TBL1XR1: variants seen among roughly 807,000 people sequenced by gnomAD.
TBL1XR1 encodes TBL1X/Y related 1.
TBL1XR1 carries 5 observed loss-of-function variants against 66.9 expected under a neutral mutation model. The observed-to-expected ratio is 0.07, with a 90% CI of 0.04 to 0.16. TBL1XR1 has a LOEUF of 0.16. TBL1XR1 is among the 10% of genes least tolerant of loss of function. The pLI, the probability that TBL1XR1 is intolerant of heterozygous loss-of-function variation, is 1.00. For missense variants in TBL1XR1, 238 were observed against 623.2 expected, an observed-to-expected ratio of 0.38 and a Z score of 6.58; for synonymous variants, 210 against 206.0, an observed-to-expected ratio of 1.02 and a Z score of -0.17.
chr3:177,156,591 A>C (rs996775224), intron 1 of TBL1XR1, among the ~76,000 whole-genome samples: 1 of 148,580 alleles, frequency 6.7e-6, no homozygotes, highest in East Asian at 1.9e-4. Context: ...ATATATATAT[A>C]AAATTCTGAC....
chr3:177,055,181 T>C (rs950203420), intron 3 of TBL1XR1, among the ~76,000 whole-genome samples: 1 of 152,112 alleles, frequency 6.6e-6, no homozygotes, highest in Non-Finnish European at 1.5e-5. Flanking sequence ...TTTTTAGTGT[T>C]TAGTAATGTC....
chr3:177,100,315 A>G (rs867927450), intron 1 of TBL1XR1, among the ~76,000 whole-genome samples: 21 of 152,376 alleles, frequency 1.4e-4, no homozygotes, highest in African/African-American at 4.1e-4. Flanking sequence ...ATTTTTGTTC[A>G]TAACATTCTA....
At position 177,158,574 on chromosome 3, in the gene TBL1XR1, T is replaced by TC. The variant is rs746828695; in HGVS notation, c.-122+38546dup. ...CTACAACTGACAGAAGAGCCATTCA[T>TC]CCCTATGGTATACTCCTAAATTTCA... On this transcript the variant is annotated intron_variant, in intron 1 of 15. Coordinates refer to ENST00000457928, the MANE Select transcript of TBL1XR1 (RefSeq NM_024665.7). 6.8e-4 allele frequency among the ~76,000 whole-genome samples: 104 copies of TC among 152,110 alleles called. 2 individuals carry two copies. The highest frequency in any genetic ancestry group is 2.0e-4 in the Admixed American group (3 of 15,248).
chr3:177,030,093 G>GGT (rs971838080), intron 14 of TBL1XR1, among the ~76,000 whole-genome samples: 11 of 150,942 alleles, frequency 7.3e-5, no homozygotes, highest in East Asian at 3.9e-4. Flanking sequence ...GCTATGCACA[G>GGT]GTGTGTGTGT....
At chr3:177,185,076 AT>A (rs549114520) in intron 1 of TBL1XR1, among the ~76,000 whole-genome samples, 22 of 151,516 alleles carry the variant, frequency 1.5e-4, no homozygotes, top group South Asian at 6.3e-4. Context: ...CGATTTTTCA[AT>A]TTTTTTTTCA....
chr3:177,197,642 G>A (rs1737058433), upstream of TBL1XR1, among the ~76,000 whole-genome samples: 1 of 138,532 alleles, frequency 7.2e-6, no homozygotes, highest in Non-Finnish European at 1.6e-5. Context: ...GAGCGGGCGG[G>A]CGGGCGCGCG....
intron 1 of TBL1XR1, among the ~76,000 whole-genome samples, chr3:177,149,305 G>A (rs760608457): frequency 2.0e-5 from 3 of 152,162 alleles, no homozygotes; most frequent in Non-Finnish European, 4.4e-5. Flanking sequence ...TTCAGGCAAT[G>A]TTCCCAGAAG....
At chr3:177,078,422 A>T (rs894953655) in intron 2 of TBL1XR1, among the ~76,000 whole-genome samples, 11 of 151,492 alleles carry the variant, frequency 7.3e-5, no homozygotes, top group African/African-American at 1.7e-4. Context: ...AAAAAAAAAA[A>T]ATTTTGGTTT....
chr3:177,108,515 G>A (rs1310186075), intron 1 of TBL1XR1, among the ~76,000 whole-genome samples: 1 of 152,112 alleles, frequency 6.6e-6, no homozygotes, highest in East Asian at 1.9e-4. Flanking sequence ...TAACAAGTAT[G>A]AACATAGTGT....
chr3:177,109,055 A>T (rs1472595071), intron 1 of TBL1XR1, among the ~76,000 whole-genome samples: 2 of 152,234 alleles, frequency 1.3e-5, no homozygotes, highest in Non-Finnish European at 2.9e-5. Context: ...ATTGTCAAAC[A>T]TGTTTTCTTT....
chr3:177,117,980 G>T (rs1726514515), intron 1 of TBL1XR1, among the ~76,000 whole-genome samples: 1 of 152,170 alleles, frequency 6.6e-6, no homozygotes, highest in South Asian at 2.1e-4. Context: ...ATCGTAGGTA[G>T]TAAGAAATCA....
chr3:177,157,355 T>G (rs1288991221), intron 1 of TBL1XR1, among the ~76,000 whole-genome samples: 1 of 152,366 alleles, frequency 6.6e-6, no homozygotes, highest in East Asian at 1.9e-4. Flanking sequence ...TGTGTGCATC[T>G]GACCATTCTT....
intron 1 of TBL1XR1, among the ~76,000 whole-genome samples, chr3:177,127,598 A>G (rs893179803): frequency 3.3e-5 from 5 of 152,214 alleles, no homozygotes; most frequent in Admixed American, 2.6e-4. Context: ...CCTGAGATCT[A>G]TAACAGCTGC....
rs765740107 is a variant in TBL1XR1, at chr3:177,050,519, A to G, written c.519T>C (p.Phe173=). 2 of 1,613,852 alleles carry G rather than the reference A, an allele frequency of 1.2e-6. No individual in the cohort carries two copies. The highest frequency in any genetic ancestry group is 1.7e-6 in the Non-Finnish European group (2 of 1,179,818). ...VVLRGHESEV[F]ICAWNPVSDL... ...CACTAACAGGGTTCCAGGCACAGAT[A>G]AAAACTTCAGATTCATGGCCCCGCA... The change falls in exon 6 of 16, where the codon TTT becomes TTC. Residue 173 remains phenylalanine, a synonymous_variant. Coordinates refer to ENST00000457928, the MANE Select transcript of TBL1XR1 (RefSeq NM_024665.7).
chr3:177,175,207 C>A (rs1264959833), intron 1 of TBL1XR1, among the ~76,000 whole-genome samples: 1 of 152,108 alleles, frequency 6.6e-6, no homozygotes, highest in East Asian at 1.9e-4. Context: ...TTAACAAACA[C>A]AGTTTTAGTA....
At chr3:177,133,745 T>C (rs1008406849) in intron 1 of TBL1XR1, among the ~76,000 whole-genome samples, 14 of 151,484 alleles carry the variant, frequency 9.2e-5, no homozygotes, top group African/African-American at 3.2e-4. Context: ...CTGCTAAAAA[T>C]ACAAAAATTA....
intron 10 of TBL1XR1, among the ~76,000 whole-genome samples, chr3:177,043,255 T>C (rs1715852682): frequency 1.3e-5 from 2 of 152,216 alleles, no homozygotes; most frequent in African/African-American, 4.8e-5. Context: ...GAGAGAAGAA[T>C]ACTAAAGTCT....
At chr3:177,041,815 T>C (rs571142955) in intron 10 of TBL1XR1, among the ~76,000 whole-genome samples, 6 of 152,128 alleles carry the variant, frequency 3.9e-5, no homozygotes, top group Non-Finnish European at 8.8e-5. Flanking sequence ...TGTCAGGAGT[T>C]CAAAGTGAGG....
chr3:177,169,970 G>A (rs1920131), intron 1 of TBL1XR1, among the ~76,000 whole-genome samples: 75,206 of 151,574 alleles, frequency 0.5, 19,452 homozygotes, highest in Non-Finnish European at 0.57. Context: ...AGGACCTGCT[G>A]AATCAGAAAT....
Sources: allele counts gnomAD v4.1 joint callset (sites outside exome capture counted in the v4.1 genomes callset), GRCh38; gene constraint gnomAD v4.1.1; transcripts MANE v1.5; gene names NCBI Gene and HGNC (gene_info 2026-07-23, HGNC 2026-07-21).